Variants in PRODH2 observed in about 807,000 individuals in gnomAD.
PRODH2 encodes proline dehydrogenase 2.
A neutral mutation model predicts 51.9 loss-of-function variants in PRODH2; 49 were observed. The ratio of observed to expected loss-of-function variants is 0.94; its 90% CI spans 0.75 to 1.20. The LOEUF (loss-of-function observed/expected upper bound fraction) is 1.20, where lower values mean the gene tolerates loss of function less well. Ranked by LOEUF, PRODH2 falls within the 50% of genes most tolerant of loss-of-function variation. PRODH2 has a pLI of 0.00. For missense variants in PRODH2, 597 were observed against 610.9 expected (o/e 0.98, Z 0.24); for synonymous variants, 249 against 260.7 (o/e 0.96, Z 0.43).
Position 35,803,007 on chromosome 19 carries a change from GC to G in PRODH2, c.1072del (p.Ala358LeufsTer40). The G allele has an allele frequency of 6.3e-7, 1 of 1,576,462 alleles. No homozygotes were observed. The highest frequency in any genetic ancestry group is 1.2e-5 in the South Asian group (1 of 86,222). ...RHGPMCHLMV[A>X]SHNEESVRQA... The stretch of plus-strand genomic sequence containing the variant: ...GCGAACAGATTCCTCATTGTGGGAA[GC>G]CACCATGAGGTGGCACATGGGGCCA... On this transcript the variant is annotated frameshift_variant, in exon 8 of 10. Transcript: ENST00000653904. LOFTEE classifies it high-confidence loss of function.
chr19:35,805,912 A>G (rs375743763), intron 7 of PRODH2, among the ~76,000 whole-genome samples: 177 of 152,306 alleles, frequency 1.2e-3, no homozygotes, highest in African/African-American at 4.2e-3. Context: ...GGAATGTCCC[A>G]GGCAGTGGAA....
chr19:35,811,269 C>T (rs193177836), intron 4 of PRODH2, among the ~76,000 whole-genome samples: 198 of 151,704 alleles, frequency 1.3e-3, no homozygotes, highest in African/African-American at 4.6e-3. Context: ...TACAAGACGG[C>T]AGGCTGGGTG....
At chr19:35,802,527 AG>A in intron 8 of PRODH2, 1 of 565,380 alleles carries the variant, frequency 1.8e-6, no homozygotes, top group Non-Finnish European at 3.2e-6. Flanking sequence ...GGGACCTATA[AG>A]GACTTACAGG....
Position 35,806,608 on chromosome 19 carries a change from G to A in PRODH2, c.835-12C>T, listed in dbSNP as rs56065348. 0.016 allele frequency: 26,390 copies of A among 1,614,062 alleles called. 304 individuals carry two copies. Among genetic ancestry groups the A allele is most frequent in the South Asian group, 0.032 (2,929 of 91,084 alleles). On this transcript the variant is annotated splice_polypyrimidine_tract_variant and intron_variant, in intron 6 of 9. Transcript: ENST00000653904. Reference sequence around the variant, plus strand: ...CGCTCGAATGTGTCCTATAGGGCACGCAGGCAGGTTCTGGTAGGTCAGGGT... The same window carrying A: ...CGCTCGAATGTGTCCTATAGGGCACACAGGCAGGTTCTGGTAGGTCAGGGT...
intron 9 of PRODH2, 154 bp downstream of exon 9, chr19:35,802,037 A>T: frequency 1.5e-6 from 1 of 683,318 alleles, no homozygotes; most frequent in Non-Finnish European, 2.6e-6. Flanking sequence ...CGGCAGACAC[A>T]GAGACACAGC....
intron 4 of PRODH2, among the ~76,000 whole-genome samples, chr19:35,809,974 A>AAAAAAAAAC (rs1972580707): frequency 7.1e-6 from 1 of 139,974 alleles, no homozygotes; most frequent in East Asian, 2.1e-4. Flanking sequence ...AAAAAAAAAA[A>AAAAAAAAAC]AAAAAAAAAA....
chr19:35,806,821 C>A lies in PRODH2; in HGVS notation c.688G>T (p.Ala230Ser), dbSNP rs1298972706. The A allele has an allele frequency of 1.9e-6, 3 of 1,604,806 alleles. No homozygotes were observed. The highest frequency in any genetic ancestry group is 1.7e-6 in the Non-Finnish European group (2 of 1,175,872). ...RLHRVAQYAR[A>S]QHVRLLVDAE... ...TCCACCAGGAGCCGCACGTGCTGGG[C>A]CCGGGCATACTGATGGCGACAGAGA... is the stretch of plus-strand genomic sequence containing the variant. Residue 230 changes from alanine (A) to serine (S), a missense_variant, in exon 6 of 10, where the codon GCC (alanine) becomes TCC (serine). Coordinates refer to ENST00000653904, the MANE Select transcript of PRODH2 (RefSeq NM_021232.2).
rs776780181 is a variant in PRODH2, at chr19:35,806,737, G to A, written c.772C>T (p.Arg258Cys). 11 of 1,613,728 alleles carry A rather than the reference G, an allele frequency of 6.8e-6. No homozygotes were observed. The highest frequency in any genetic ancestry group is 6.7e-5 in the East Asian group (3 of 44,872). The change falls in exon 6 of 10, where the codon CGC becomes TGC. Residue 258 changes from arginine (R) to cysteine (C), a missense_variant. Coordinates refer to ENST00000653904, the MANE Select transcript of PRODH2 (RefSeq NM_021232.2). ...LSLLVAALAV[R>C]WNSPGEGGPW... is the part of the protein sequence containing the mutation. ...CCGCCTTCACCCGGGCTGTTCCAGC[G>A]CACAGCCAGGGCAGCCACCAGCAGC...
At chr19:35,811,910 G>T in intron 4 of PRODH2, 52 bp downstream of exon 4, 2 of 1,549,642 alleles carry the variant, frequency 1.3e-6, no homozygotes, top group South Asian at 1.1e-5. Context: ...CGGTGTGGCC[G>T]CATCTAAGTC....
At chr19:35,804,039 G>A (rs1348589330) in intron 7 of PRODH2, among the ~76,000 whole-genome samples, 1 of 152,172 alleles carries the variant, frequency 6.6e-6, no homozygotes, top group Non-Finnish European at 1.5e-5. Context: ...AGGAAGGAGT[G>A]TGGGTGTCTC....
chr19:35,800,960 G>A (rs565007872), intron 9 of PRODH2, among the ~76,000 whole-genome samples: 14 of 152,150 alleles, frequency 9.2e-5, no homozygotes, highest in African/African-American at 2.9e-4. Flanking sequence ...CACAATCTCA[G>A]CACACTGACC....
At chr19:35,811,898 T>C in intron 4 of PRODH2, 64 bp downstream of exon 4, 1 of 1,492,450 alleles carries the variant, frequency 6.7e-7, no homozygotes, top group Non-Finnish European at 9.3e-7. Flanking sequence ...ACATCTGGCG[T>C]GCGGTGTGGC....
In PRODH2 at chr19:35,806,715, C is replaced by T. The variant is rs1239075729; in HGVS notation, c.794G>A (p.Gly265Asp). Reference protein sequence around the residue: ...LAVRWNSPGEGGPWVWNTYQA... With the variant: ...LAVRWNSPGEDGPWVWNTYQA... ...GTAGGTGTTCCACACCCAGGGCCCG[C>T]CTTCACCCGGGCTGTTCCAGCGCAC... is the stretch of plus-strand genomic sequence containing the variant. Residue 265 changes from glycine to aspartate, a missense_variant, in exon 6 of 10, where the codon GGC becomes GAC. Physicochemically the swap from Gly to Asp is moderately conservative, Grantham distance 94. Coordinates refer to ENST00000653904, the MANE Select transcript of PRODH2 (RefSeq NM_021232.2). 1 of 1,614,016 alleles carries T rather than the reference C, an allele frequency of 6.2e-7. No individual in the cohort carries two copies. The highest frequency in any genetic ancestry group is 1.3e-5 in the African/African-American group (1 of 74,946).
In PRODH2 at chr19:35,812,053, A is replaced by T; in HGVS notation, c.511-5T>A. 1.2e-6 allele frequency: 2 copies of T among 1,614,086 alleles called. No individual in the cohort carries two copies. The highest frequency in any genetic ancestry group is 1.7e-4 in the Middle Eastern group (1 of 6,060). On this transcript the variant is annotated splice_region_variant and splice_polypyrimidine_tract_variant and intron_variant, in intron 3 of 9. Coordinates refer to ENST00000653904, the MANE Select transcript of PRODH2 (RefSeq NM_021232.2). ...GACCCACGAGGCTAGCTCCTTCTGA[A>T]ATGGGGTGGTAGGCGGGGTGGTGAG...
At position 35,812,501 on chromosome 19, in the gene PRODH2, C is replaced by T. The variant is rs770978644; in HGVS notation, c.230G>A (p.Arg77Gln). The T allele has an allele frequency of 2.8e-5, 45 of 1,614,080 alleles. No individual in the cohort carries two copies. Among genetic ancestry groups the T allele is most frequent in the South Asian group, 1.4e-4 (13 of 91,086 alleles). The part of the protein sequence containing the change: ...LGSRLSGAFL[R>Q]ASVYGQFVAG... ...CACAAACTGCCCATAGACGGATGCTCGGAGAAATGCGCCTGAGAGCCGGGA... is the reference window on the plus strand; with the variant it reads ...CACAAACTGCCCATAGACGGATGCTTGGAGAAATGCGCCTGAGAGCCGGGA... The change falls in exon 2 of 10, where the codon CGA becomes CAA. Residue 77 changes from arginine to glutamine, a missense_variant. Physicochemically the swap from Arg to Gln is conservative, Grantham distance 43. Transcript: ENST00000653904.
In PRODH2 at chr19:35,801,301, A is replaced by G. The variant is rs533282337; in HGVS notation, c.1198+890T>C. On this transcript the variant is annotated intron_variant, in intron 9 of 9. Transcript: ENST00000653904. ...GCAAACATGGTAAGACCCCATCTCTACTAAAAATACAAAAATTAGCTGGGC... is the reference window on the plus strand; with the variant it reads ...GCAAACATGGTAAGACCCCATCTCTGCTAAAAATACAAAAATTAGCTGGGC... Among the ~76,000 whole-genome samples the G allele has an allele frequency of 9.9e-5, 15 of 151,606 alleles. No individual in the cohort carries two copies. In the South Asian group the frequency reaches 3.1e-3, roughly 32 times the overall value.
At position 35,806,562 on chromosome 19, in the gene PRODH2, G is replaced by A; in HGVS notation, c.869C>T (p.Ala290Val). 6.2e-7 allele frequency: 1 copy of A among 1,614,098 alleles called. No homozygotes were observed. The highest frequency in any genetic ancestry group is 8.5e-7 in the Non-Finnish European group (1 of 1,180,020). Residue 290 changes from alanine (A) to valine (V), a missense_variant, in exon 7 of 10, where the codon GCT (alanine) becomes GTT (valine). Transcript: ENST00000653904. The part of the protein sequence containing the change: ...TFERLGRDAE[A>V]AHRAGLAFGV... Reference sequence around the variant, plus strand: ...GAAGGCCAGGCCGGCCCTGTGCGCAGCCTCTGCATCCCTCCCCAGCCGCTC... The same window carrying A: ...GAAGGCCAGGCCGGCCCTGTGCGCAACCTCTGCATCCCTCCCCAGCCGCTC...
At position 35,803,034 on chromosome 19, in the gene PRODH2, T is replaced by C. The variant is rs766423214; in HGVS notation, c.1046A>G (p.His349Arg). Residue 349 changes from histidine to arginine, a missense_variant, in exon 8 of 10, where the codon CAT (histidine) becomes CGT (arginine). Transcript: ENST00000653904. ...LELMLTHVAR[H>R]GPMCHLMVAS... ...CACCATGAGGTGGCACATGGGGCCATGGCGGGCCACGTGCGTCAGCATCAG... is the reference window on the plus strand; with the variant it reads ...CACCATGAGGTGGCACATGGGGCCACGGCGGGCCACGTGCGTCAGCATCAG... 2.0e-5 allele frequency: 32 copies of C among 1,573,218 alleles called. No homozygotes were observed. Among genetic ancestry groups the C allele is most frequent in the Admixed American group, 3.6e-5 (2 of 55,118 alleles).
chr19:35,803,146 G>T, intron 7 of PRODH2, 68 bp from the exon 8 acceptor site: 1 of 1,165,052 alleles, frequency 8.6e-7, no homozygotes. Context: ...TGGGGTGGGT[G>T]GGGTGCTCCT....
Sources: gnomAD v4.1 joint callset for allele counts (sites outside exome capture counted in the v4.1 genomes callset) on GRCh38, gnomAD v4.1.1 for gene constraint, MANE v1.5 for transcripts, NCBI Gene and HGNC (gene_info 2026-07-23, HGNC 2026-07-21) for gene names.